Variants in C7orf78 observed in about 807,000 individuals in gnomAD.
The protein encoded by C7orf78 is putative uncharacterized protein C7orf78.
At chr7:12,512,688 A>T in the C7orf78 span, among the ~76,000 whole-genome samples, 5 of 152,184 alleles carry the variant, frequency 3.3e-5, no homozygotes, top group African/African-American at 1.2e-4. Flanking sequence ...TTTGTATCAG[A>T]GTAATGCTGA....
chr7:12,532,972 G>C, the C7orf78 span, among the ~76,000 whole-genome samples: 3 of 152,140 alleles, frequency 2.0e-5, no homozygotes, highest in African/African-American at 7.2e-5. Context: ...TGGATATAGA[G>C]TCATCCTACT....
the C7orf78 span, chr7:12,490,969 C>G: frequency 1.3e-5 from 2 of 151,646 alleles, no homozygotes; most frequent in Non-Finnish European, 2.9e-5. Context: ...AGGCTCTACC[C>G]ATGATACAGA....
chr7:12,520,701 G>T, the C7orf78 span, among the ~76,000 whole-genome samples: 2 of 152,180 alleles, frequency 1.3e-5, no homozygotes, highest in Non-Finnish European at 1.5e-5. Flanking sequence ...TACATTGTTA[G>T]TTACTGGGTG....
chr7:12,514,928 A>G, the C7orf78 span, among the ~76,000 whole-genome samples: 1 of 152,034 alleles, frequency 6.6e-6, no homozygotes, highest in Non-Finnish European at 1.5e-5. Flanking sequence ...TTCTTTTAGC[A>G]CTCTGAACAC....
chr7:12,492,164 G>A, the C7orf78 span, among the ~76,000 whole-genome samples: 1 of 152,118 alleles, frequency 6.6e-6, no homozygotes, highest in Admixed American at 6.5e-5. Context: ...GGTGGGATAT[G>A]TCTTTTTTTC....
the C7orf78 span, among the ~76,000 whole-genome samples, chr7:12,498,767 C>T: frequency 6.7e-6 from 1 of 148,828 alleles, no homozygotes; most frequent in African/African-American, 2.5e-5. Context: ...AGAGCAACTC[C>T]AAGACACATA....
the C7orf78 span, among the ~76,000 whole-genome samples, chr7:12,524,746 G>A: frequency 1.3e-5 from 2 of 151,842 alleles, no homozygotes; most frequent in African/African-American, 4.8e-5. Context: ...GGGAGGCTGA[G>A]GCAAGAGAAT....
At chr7:12,487,816 T>C in the C7orf78 span, among the ~76,000 whole-genome samples, 1 of 152,104 alleles carries the variant, frequency 6.6e-6, no homozygotes, top group African/African-American at 2.4e-5. Flanking sequence ...CACTGGCATG[T>C]AGAACAAGTC....
chr7:12,511,529 G>A, the C7orf78 span, among the ~76,000 whole-genome samples: 1 of 151,980 alleles, frequency 6.6e-6, no homozygotes, highest in African/African-American at 2.4e-5. Flanking sequence ...TTCCATTTGT[G>A]TCATCTACAA....
chr7:12,537,984 G>C, the C7orf78 span, among the ~76,000 whole-genome samples: 446 of 152,184 alleles, frequency 2.9e-3, no homozygotes, highest in Non-Finnish European at 5.2e-3. Context: ...CCACATGTAA[G>C]AAATCAGGAA....
the C7orf78 span, among the ~76,000 whole-genome samples, chr7:12,511,738 T>G: frequency 6.6e-6 from 1 of 151,886 alleles, no homozygotes; most frequent in South Asian, 2.1e-4. Flanking sequence ...AATTTGGTTT[T>G]TTTGGGTTTT....
chr7:12,523,641 A>G, the C7orf78 span, among the ~76,000 whole-genome samples: 1 of 152,140 alleles, frequency 6.6e-6, no homozygotes, highest in Non-Finnish European at 1.5e-5. Flanking sequence ...ATTGATTCTG[A>G]TGAGGTTTTA....
At chr7:12,492,883 G>GACATC in the C7orf78 span, among the ~76,000 whole-genome samples, 2 of 152,188 alleles carry the variant, frequency 1.3e-5, no homozygotes. Context: ...TGCAGTATCT[G>GACATC]ACATCACTTA....
the C7orf78 span, among the ~76,000 whole-genome samples, chr7:12,534,068 G>T: frequency 6.6e-6 from 1 of 152,006 alleles, no homozygotes; most frequent in African/African-American, 2.4e-5. Flanking sequence ...TCCCTATGAA[G>T]GTTCAAATAA....
At chr7:12,516,300 G>C in the C7orf78 span, among the ~76,000 whole-genome samples, 1 of 152,222 alleles carries the variant, frequency 6.6e-6, no homozygotes, top group Non-Finnish European at 1.5e-5. Flanking sequence ...TTCATATGGT[G>C]TTGAACCTGC....
chr7:12,532,436 C>G, the C7orf78 span, among the ~76,000 whole-genome samples: 3 of 151,730 alleles, frequency 2.0e-5, no homozygotes, highest in African/African-American at 7.3e-5. Flanking sequence ...GTAATCCCAG[C>G]TCCTTAGGTG....
chr7:12,531,218 G>T, the C7orf78 span: 9 of 393,270 alleles, frequency 2.3e-5, no homozygotes, highest in Non-Finnish European at 4.0e-5. Flanking sequence ...GGAACTATAA[G>T]TGAAATAGTT....
the C7orf78 span, among the ~76,000 whole-genome samples, chr7:12,519,532 T>G: frequency 3.9e-5 from 6 of 152,342 alleles, no homozygotes; most frequent in African/African-American, 1.4e-4. Flanking sequence ...GCTATGGCAC[T>G]GTGCACATGT....
the C7orf78 span, among the ~76,000 whole-genome samples, chr7:12,495,129 G>A: frequency 2.6e-5 from 4 of 152,164 alleles, no homozygotes; most frequent in Admixed American, 2.0e-4. Context: ...GTGTCCAACA[G>A]AGTGTCCTGG....
Sources: gnomAD v4.1 joint callset for allele counts (sites outside exome capture counted in the v4.1 genomes callset) on GRCh38, gnomAD v4.1.1 for gene constraint, MANE v1.5 for transcripts, NCBI Gene and HGNC (gene_info 2026-07-23, HGNC 2026-07-21) for gene names.